L3MBTL4: variants seen among roughly 807,000 people sequenced by gnomAD.
L3MBTL4 encodes lethal(3)malignant brain tumor-like protein 4.
L3MBTL4 carries 70 observed loss-of-function variants against 84.5 expected under a neutral mutation model. That is an observed-to-expected ratio of 0.83 (90% CI 0.68 to 1.01). The LOEUF (loss-of-function observed/expected upper bound fraction) is 1.01, where lower values mean the gene tolerates loss of function less well. L3MBTL4 is among the 50% of genes least tolerant of loss of function. The pLI is 0.00. For missense variants in L3MBTL4, 715 were observed against 754.8 expected, an observed-to-expected ratio of 0.95 and a Z score of 0.62; for synonymous variants, 274 against 259.8, an observed-to-expected ratio of 1.05 and a Z score of -0.52.
chr18:5,998,696 ATCAG>A (rs2054088368), intron 16 of L3MBTL4, among the ~76,000 whole-genome samples: 2 of 152,144 alleles, frequency 1.3e-5, no homozygotes, highest in South Asian at 4.1e-4. Flanking sequence ...GTTCTTTGCA[ATCAG>A]TCATTTTCCA....
At chr18:6,111,303 G>A (rs1237515721) in intron 14 of L3MBTL4, among the ~76,000 whole-genome samples, 1 of 151,996 alleles carries the variant, frequency 6.6e-6, no homozygotes, top group Admixed American at 6.6e-5. Flanking sequence ...CCATTGAATG[G>A]GTGTAAATAA....
At chr18:6,306,514 T>TA (rs2050593717) in intron 3 of L3MBTL4, among the ~76,000 whole-genome samples, 2 of 152,330 alleles carry the variant, frequency 1.3e-5, no homozygotes, top group South Asian at 4.1e-4. Context: ...AACTATTACT[T>TA]AAAAATAGAA....
intron 5 of L3MBTL4, among the ~76,000 whole-genome samples, chr18:6,255,141 G>T (rs1262140726): frequency 6.6e-6 from 1 of 152,166 alleles, no homozygotes; most frequent in Non-Finnish European, 1.5e-5. Flanking sequence ...AAATAGACAA[G>T]GATACTTCTA....
At chr18:6,304,409 T>C (rs368764048) in intron 3 of L3MBTL4, among the ~76,000 whole-genome samples, 12 of 152,370 alleles carry the variant, frequency 7.9e-5, no homozygotes, top group African/African-American at 2.9e-4. Flanking sequence ...ATTAACAAAG[T>C]AGCATTCTGC....
chr18:6,382,393 C>T (rs528592635), intron 1 of L3MBTL4, among the ~76,000 whole-genome samples: 50 of 152,268 alleles, frequency 3.3e-4, no homozygotes, highest in African/African-American at 1.1e-3. Flanking sequence ...GAGTTGTGAT[C>T]CTTTGGGGAA....
intron 4 of L3MBTL4, among the ~76,000 whole-genome samples, chr18:6,280,118 G>A (rs1422870154): frequency 6.6e-6 from 1 of 152,180 alleles, no homozygotes; most frequent in African/African-American, 2.4e-5. Flanking sequence ...CTCAATGAAT[G>A]TAAATTTAAA....
chr18:5,975,142 T>C (rs984725194), intron 16 of L3MBTL4, among the ~76,000 whole-genome samples: 1 of 152,206 alleles, frequency 6.6e-6, no homozygotes, highest in Admixed American at 6.5e-5. Flanking sequence ...GGAAATGTTC[T>C]TTAAAAATAT....
At chr18:6,338,527 A>G (rs1386373290) in intron 1 of L3MBTL4, among the ~76,000 whole-genome samples, 6 of 152,096 alleles carry the variant, frequency 3.9e-5, no homozygotes, top group African/African-American at 1.4e-4. Flanking sequence ...TAAAGAAAGG[A>G]TAGAGATTTC....
chr18:6,393,512 T>G (rs1446047033), intron 1 of L3MBTL4, among the ~76,000 whole-genome samples: 1 of 152,214 alleles, frequency 6.6e-6, no homozygotes, highest in Non-Finnish European at 1.5e-5. Flanking sequence ...AGACCTGTTC[T>G]AAGCACTTTC....
chr18:6,215,288 T>TA (rs1368061994), intron 11 of L3MBTL4, among the ~76,000 whole-genome samples: 4 of 152,192 alleles, frequency 2.6e-5, no homozygotes, highest in Admixed American at 2.6e-4. Flanking sequence ...AGTACAAATT[T>TA]AAAAATCAGT....
intron 1 of L3MBTL4, among the ~76,000 whole-genome samples, chr18:6,403,059 C>G (rs1193947346): frequency 6.6e-6 from 1 of 152,192 alleles, no homozygotes; most frequent in Non-Finnish European, 1.5e-5. Context: ...TTAAAGGACA[C>G]AGGGCCAATG....
At chr18:6,185,960 C>CTATTTTATTTATTTTA (rs976327212) in intron 12 of L3MBTL4, among the ~76,000 whole-genome samples, 1 of 145,786 alleles carries the variant, frequency 6.9e-6, no homozygotes, top group African/African-American at 2.7e-5. Context: ...AGGGCACTTT[C>CTATTTTATTTATTTTA]TTTATTTTAT....
At chr18:6,103,405 A>C (rs1455965741) in intron 14 of L3MBTL4, among the ~76,000 whole-genome samples, 1 of 152,212 alleles carries the variant, frequency 6.6e-6, no homozygotes, top group East Asian at 1.9e-4. Context: ...CTAGTTTTAA[A>C]AATATTTTCT....
intron 16 of L3MBTL4, chr18:6,029,513 A>G (rs1385100979): frequency 1.0e-6 from 1 of 983,568 alleles, no homozygotes; most frequent in East Asian, 1.1e-4. Context: ...TTCCATACAG[A>G]CAATCTTAGG....
intron 13 of L3MBTL4, among the ~76,000 whole-genome samples, chr18:6,158,477 T>C (rs1441130081): frequency 6.6e-6 from 1 of 152,030 alleles, no homozygotes; most frequent in Non-Finnish European, 1.5e-5. Flanking sequence ...TGTTCACCAA[T>C]TGAGAGAAAG....
At chr18:6,339,290 C>T (rs887124581) in intron 1 of L3MBTL4, among the ~76,000 whole-genome samples, 7 of 152,160 alleles carry the variant, frequency 4.6e-5, no homozygotes, top group African/African-American at 7.2e-5. Context: ...ATTATAGTCA[C>T]TCAAAAAATA....
intron 15 of L3MBTL4, among the ~76,000 whole-genome samples, chr18:6,092,325 G>C (rs535663560): frequency 4.6e-5 from 7 of 152,296 alleles, no homozygotes; most frequent in Non-Finnish European, 8.8e-5. Flanking sequence ...CAAATTCTCC[G>C]AATAAACTGG....
intron 16 of L3MBTL4, among the ~76,000 whole-genome samples, chr18:6,019,326 T>C (rs1191623678): frequency 6.6e-6 from 1 of 152,170 alleles, no homozygotes; most frequent in Non-Finnish European, 1.5e-5. Context: ...AAAATAAGAC[T>C]TTTTGTGTAA....
At chr18:6,318,494 T>TAAAAAAAAAAAA (rs71370550) in intron 1 of L3MBTL4, among the ~76,000 whole-genome samples, 92 of 14,214 alleles carry the variant, frequency 6.5e-3, no homozygotes, top group East Asian at 0.013. Flanking sequence ...ACAACAATAG[T>TAAAAAAAAAAAA]AAAAAAAAAA....
Sources: allele counts gnomAD v4.1 joint callset (sites outside exome capture counted in the v4.1 genomes callset), GRCh38; gene constraint gnomAD v4.1.1; transcripts MANE v1.5; gene names NCBI Gene and HGNC (gene_info 2026-07-23, HGNC 2026-07-21).